Variants in MIAT observed in about 807,000 individuals in gnomAD.
The protein encoded by MIAT is myocardial infarction associated transcript, also known as MI related novel mRNA.
intron 3 of MIAT, among the ~76,000 whole-genome samples, chr22:26,664,477 A>G (rs1489738483): frequency 1.3e-5 from 2 of 152,244 alleles, no homozygotes; most frequent in African/African-American, 4.8e-5. Context: ...CGGTTACCCC[A>G]GTAAGATCTC....
rs538257555 is a variant in MIAT, at chr22:26,646,613, CTGTT to C, written n.164_167del. On this transcript the variant is annotated non_coding_transcript_exon_variant, in exon 1 of 6. Coordinates refer to ENST00000643270, the Ensembl canonical transcript of MIAT. The stretch of plus-strand genomic sequence containing the variant: ...TGGCTCAGATCCCTTCTAGTTGTGT[CTGTT>C]TATCTTCAGTTTCCTTGTCTATAAA... 812 of 394,878 alleles carry C rather than the reference CTGTT, an allele frequency of 2.1e-3. 1 individual carries two copies. Among genetic ancestry groups the C allele is most frequent in the Non-Finnish European group, 3.1e-3 (692 of 224,238 alleles). The allele number at this position is 394,878 out of a possible 1,614,324, so 24.5% of individuals were successfully genotyped here.
chr22:26,673,115 G>A (rs569781955), downstream of MIAT: 7 of 398,536 alleles, frequency 1.8e-5, no homozygotes, highest in East Asian at 1.1e-4. Context: ...CCCCGGGCTC[G>A]GAGTTTGCAG....
chr22:26,660,956 G>C (rs1243469740), intron 2 of MIAT: 2 of 152,228 alleles, frequency 1.3e-5, no homozygotes, highest in Admixed American at 1.3e-4. Flanking sequence ...ATGAACCAGT[G>C]CATGTTCGGT....
downstream of MIAT, chr22:26,674,076 T>A (rs531542012): frequency 1.5e-5 from 6 of 398,448 alleles, no homozygotes; most frequent in Non-Finnish European, 2.7e-5. Flanking sequence ...GGGCCTAGAG[T>A]CTTCATTTTG....
At chr22:26,667,234 A>T (rs536649569) in exon 5 of MIAT, 13 of 398,594 alleles carry the variant, frequency 3.3e-5, no homozygotes, top group African/African-American at 2.3e-4. Context: ...GGGGACGCAG[A>T]GGTGAACCCA....
intron 2 of MIAT, chr22:26,657,775 C>A: frequency 5.0e-6 from 2 of 397,990 alleles, no homozygotes; most frequent in Non-Finnish European, 8.8e-6. Context: ...GGGCTGGGTT[C>A]AGGGATGCAA....
At chr22:26,656,916 A>G (rs965358045) in intron 2 of MIAT, among the ~76,000 whole-genome samples, 9 of 152,192 alleles carry the variant, frequency 5.9e-5, no homozygotes, top group African/African-American at 1.9e-4. Context: ...CTCTAAAACA[A>G]TAAGAATAAA....
exon 1 of MIAT, chr22:26,646,469 G>A (rs1434732972): frequency 1.0e-5 from 4 of 399,230 alleles, no homozygotes; most frequent in Non-Finnish European, 1.8e-5. Flanking sequence ...AGGGAGGACT[G>A]TACAGGGGTT....
At chr22:26,652,604 C>G (rs746984838) in intron 2 of MIAT, among the ~76,000 whole-genome samples, 1 of 152,148 alleles carries the variant, frequency 6.6e-6, no homozygotes, top group Non-Finnish European at 1.5e-5. Context: ...GATCTGCCCC[C>G]CTCGGCCTCC....
At chr22:26,674,341 C>T (rs55857368), downstream of MIAT, 15,802 of 398,654 alleles carry the variant, frequency 0.04, 537 homozygotes, top group Admixed American at 0.15. Context: ...AGGGAGCATA[C>T]GCAAGGGATT....
chr22:26,664,179 T>G (rs370919188), intron 3 of MIAT, among the ~76,000 whole-genome samples: 1 of 151,824 alleles, frequency 6.6e-6, no homozygotes, highest in South Asian at 2.1e-4. Flanking sequence ...ACCCGGCTGA[T>G]TTTTATATTT....
chr22:26,674,931 G>C (rs535994094), exon 5 of MIAT: 19 of 398,812 alleles, frequency 4.8e-5, no homozygotes, highest in African/African-American at 2.5e-4. Flanking sequence ...TGGGAGAGTT[G>C]GTGAAGTAGA....
At chr22:26,676,452 C>T in exon 5 of MIAT, 1 of 398,420 alleles carries the variant, frequency 2.5e-6, no homozygotes, top group Middle Eastern at 6.3e-4. Flanking sequence ...TGCCATTTTG[C>T]TATTAAAAAT....
At chr22:26,665,053 A>G (rs1281524766) in intron 3 of MIAT, among the ~76,000 whole-genome samples, 1 of 152,078 alleles carries the variant, frequency 6.6e-6, no homozygotes, top group African/African-American at 2.4e-5. Context: ...TCTGGCCAAC[A>G]TGGTGAAACC....
intron 2 of MIAT, among the ~76,000 whole-genome samples, chr22:26,654,567 C>T (rs1180475580): frequency 1.3e-5 from 2 of 152,088 alleles, no homozygotes; most frequent in Non-Finnish European, 2.9e-5. Flanking sequence ...AGGGGGAAGT[C>T]GTAGACCTGT....
At chr22:26,671,664 C>G, downstream of MIAT, 1 of 398,620 alleles carries the variant, frequency 2.5e-6, no homozygotes, top group Non-Finnish European at 4.4e-6. Flanking sequence ...ACAGAGAATG[C>G]AAATAAGACT....
exon 5 of MIAT, chr22:26,675,850 AT>A: frequency 5.0e-6 from 2 of 398,680 alleles, no homozygotes; most frequent in Admixed American, 8.8e-5. Flanking sequence ...AGAGGGAAAA[AT>A]ATGCCTTGGT....
At chr22:26,675,929 G>A in exon 5 of MIAT, 1 of 398,676 alleles carries the variant, frequency 2.5e-6, no homozygotes, top group Non-Finnish European at 4.4e-6. Flanking sequence ...ATTGGCGATG[G>A]TTGTGAGATT....
At chr22:26,657,546 G>C (rs1602357599) in intron 2 of MIAT, 1 of 398,798 alleles carries the variant, frequency 2.5e-6, no homozygotes, top group Non-Finnish European at 4.4e-6. Context: ...GGACGAGTGC[G>C]GGGAGGAGTT....
Sources: gnomAD v4.1 joint callset for allele counts (sites outside exome capture counted in the v4.1 genomes callset) on GRCh38, gnomAD v4.1.1 for gene constraint, MANE v1.5 for transcripts, NCBI Gene and HGNC (gene_info 2026-07-23, HGNC 2026-07-21) for gene names.